The following DNAH9 variants were observed in gnomAD, a reference collection of about 807,000 sequenced individuals.
DNAH9 encodes dynein axonemal heavy chain 9, also known as DNAH9 variant protein.
Under a neutral mutation model 471.6 loss-of-function variants are expected in DNAH9, and 345 were observed. The ratio of observed to expected loss-of-function variants is 0.73; its 90% CI spans 0.67 to 0.80. DNAH9 has a LOEUF of 0.80. DNAH9 is among the 30% of genes least tolerant of loss of function. The pLI is 0.00. For synonymous variants in DNAH9, 2,093 were observed against 2,123.6 expected (o/e 0.99, Z 0.40); for missense variants, 5,407 against 5,609.2 (o/e 0.96, Z 1.15).
At chr17:11,935,852 TTGGA>T (rs1974694763) in intron 65 of DNAH9, among the ~76,000 whole-genome samples, 1 of 151,962 alleles carries the variant, frequency 6.6e-6, no homozygotes, top group South Asian at 2.1e-4. Flanking sequence ...TCCAGAAAAA[TTGGA>T]CCTATAAGAG....
At chr17:11,698,532 T>A (rs2074534428) in intron 22 of DNAH9, among the ~76,000 whole-genome samples, 1 of 151,740 alleles carries the variant, frequency 6.6e-6, no homozygotes, top group Admixed American at 6.6e-5. Context: ...TCTTGGTATT[T>A]GTACCCAAAT....
intron 14 of DNAH9, among the ~76,000 whole-genome samples, chr17:11,664,193 ACTTTGTT>A (rs140135589): frequency 0.011 from 1,630 of 152,090 alleles, 32 homozygotes; most frequent in African/African-American, 0.037. Context: ...TGAAGCCCAA[ACTTTGTT>A]ACCATGGTGA....
At position 11,963,037 on chromosome 17, in the gene DNAH9, C is replaced by T. The variant is rs74253530; in HGVS notation, c.13233+781C>T. Among the ~76,000 whole-genome samples, 1,014 of 152,104 alleles carry T rather than the reference C, an allele frequency of 6.7e-3. 8 individuals carry two copies. Among genetic ancestry groups the T allele is most frequent in the East Asian group, 0.043 (220 of 5,170 alleles). On this transcript the variant is annotated intron_variant, in intron 68 of 68. Coordinates refer to ENST00000262442, the MANE Select transcript of DNAH9 (RefSeq NM_001372.4). ...CAAAAATTCATGTCTAGGCATAACC[C>T]CAGAATGATTATTTAGAAATAAGGT... is the stretch of plus-strand genomic sequence containing the variant.
At chr17:11,867,566 G>A (rs11656481) in intron 50 of DNAH9, among the ~76,000 whole-genome samples, 2 of 151,896 alleles carry the variant, frequency 1.3e-5, no homozygotes, top group African/African-American at 4.8e-5. Flanking sequence ...TTTTAACTTT[G>A]TTGTTGCAGT....
At chr17:11,942,896 CTTTTTT>C (rs71142257) in intron 67 of DNAH9, among the ~76,000 whole-genome samples, 1 of 127,914 alleles carries the variant, frequency 7.8e-6, no homozygotes, top group Admixed American at 8.3e-5. Context: ...CTTGTTTTTT[CTTTTTT>C]TTTTTTTTTT....
Position 11,905,739 on chromosome 17 carries a change from G to C in DNAH9, c.11679G>C (p.Ser3893=). The C allele has an allele frequency of 6.2e-7, 1 of 1,614,096 alleles. No individual in the cohort carries two copies. Among genetic ancestry groups the C allele is most frequent in the Non-Finnish European group, 8.5e-7 (1 of 1,180,006 alleles). The stretch of plus-strand genomic sequence containing the variant: ...ATTTTGCAACCTCATTTGAAGAATC[G>C]GGACCAGCCACTCCTATGTTTTTCA... ...ALDFATSFEE[S]GPATPMFFIL... is the part of the protein sequence containing the mutation. Residue 3893 remains serine (S), a synonymous_variant, in exon 61 of 69, where the codon TCG becomes TCC. Coordinates refer to ENST00000262442, the MANE Select transcript of DNAH9 (RefSeq NM_001372.4).
chr17:11,822,305 C>A, intron 46 of DNAH9, 133 bp from the exon 47 acceptor site: 1 of 1,171,812 alleles, frequency 8.5e-7, no homozygotes, highest in Non-Finnish European at 1.2e-6. Context: ...GGCTGGCTAG[C>A]ATTTACAGAT....
At chr17:11,876,514 G>C (rs981162301) in intron 53 of DNAH9, among the ~76,000 whole-genome samples, 11 of 152,164 alleles carry the variant, frequency 7.2e-5, no homozygotes, top group Non-Finnish European at 1.3e-4. Context: ...CAACATGGAT[G>C]AATCTTTAAA....
chr17:11,869,005 C>T lies in DNAH9; in HGVS notation c.9934-129C>T, dbSNP rs144699161. On this transcript the variant is annotated intron_variant, in intron 50 of 68. Coordinates refer to ENST00000262442, the MANE Select transcript of DNAH9 (RefSeq NM_001372.4). ...CATTTCGTTCTCTGCCCTGCTTTCC[C>T]TGGTCCCATAGGAATGCCCCCGCAG... is the stretch of plus-strand genomic sequence containing the variant. 1,498 of 1,118,516 alleles carry T rather than the reference C, an allele frequency of 1.3e-3. 1 individual carries two copies. Among genetic ancestry groups the T allele is most frequent in the Middle Eastern group, 1.8e-3 (8 of 4,562 alleles). 69.3% of individuals were successfully genotyped at this position (1,118,516 alleles called of 1,614,324 possible).
chr17:11,665,181 C>A (rs2073846363), intron 15 of DNAH9, among the ~76,000 whole-genome samples: 1 of 152,106 alleles, frequency 6.6e-6, no homozygotes, highest in Non-Finnish European at 1.5e-5. Context: ...GATAATAAAC[C>A]AGGCTGTAAG....
Position 11,797,629 on chromosome 17 carries a change from C to T in DNAH9, c.8256C>T (p.Ser2752=), listed in dbSNP as rs1790913926. ...AAGACCCTGTGGAGCAGACCCAAAG[C>T]CCGAACCTGTATTGTCACTTTGCAA... ...DIEDPVEQTQ[S]PNLYCHFANG... Residue 2752 remains serine (S), a synonymous_variant, in exon 43 of 69, where the codon AGC becomes AGT. Transcript: ENST00000262442. The T allele has an allele frequency of 6.2e-7, 1 of 1,613,790 alleles. No individual in the cohort carries two copies. The highest frequency in any genetic ancestry group is 1.7e-5 in the Admixed American group (1 of 59,990).
chr17:11,726,605 TG>T (rs2075157014), intron 27 of DNAH9, among the ~76,000 whole-genome samples: 1 of 152,214 alleles, frequency 6.6e-6, no homozygotes, highest in African/African-American at 2.4e-5. Context: ...ATGACATTTG[TG>T]GTCTATATTA....
chr17:11,692,371 G>C (rs747129310), intron 20 of DNAH9, among the ~76,000 whole-genome samples: 2 of 152,124 alleles, frequency 1.3e-5, no homozygotes, highest in Non-Finnish European at 2.9e-5. Flanking sequence ...ACCTCACCAG[G>C]TGCCATGTAT....
At chr17:11,749,189 A>G (rs1967046368) in intron 32 of DNAH9, among the ~76,000 whole-genome samples, 1 of 147,168 alleles carries the variant, frequency 6.8e-6, no homozygotes, top group African/African-American at 2.5e-5. Context: ...GGTTCACGCC[A>G]TTCTTCTGCC....
chr17:11,904,066 T>C (rs180832773), intron 60 of DNAH9, among the ~76,000 whole-genome samples: 41 of 152,326 alleles, frequency 2.7e-4, no homozygotes, highest in African/African-American at 8.9e-4. Flanking sequence ...TGTTCCCATT[T>C]GTGTGTCCTA....
At chr17:11,778,329 CAAAAAAAAAAAAAAAAAAAAA>C (rs57983162) in intron 38 of DNAH9, among the ~76,000 whole-genome samples, 2 of 48,638 alleles carry the variant, frequency 4.1e-5, no homozygotes, top group Non-Finnish European at 9.2e-5. Context: ...GACTCCATCT[CAAAAAAAAAAAAAAAAAAAAA>C]AAAAAAAAAA....
At chr17:11,889,638 A>G (rs1972989201) in intron 57 of DNAH9, among the ~76,000 whole-genome samples, 2 of 152,360 alleles carry the variant, frequency 1.3e-5, no homozygotes, top group East Asian at 1.9e-4. Flanking sequence ...AGGCATTGGC[A>G]GGACATAGTC....
At chr17:11,799,240 T>C (rs758660996) in intron 43 of DNAH9, among the ~76,000 whole-genome samples, 1 of 152,188 alleles carries the variant, frequency 6.6e-6, no homozygotes, top group Non-Finnish European at 1.5e-5. Context: ...CTCCCACTTA[T>C]CTGCTCTGGT....
chr17:11,692,469 A>G (rs1021952448), intron 20 of DNAH9, among the ~76,000 whole-genome samples: 6 of 152,164 alleles, frequency 3.9e-5, no homozygotes, highest in African/African-American at 1.4e-4. Flanking sequence ...TTGACAACGG[A>G]TTACTTTTGA....
Sources: gnomAD v4.1 joint callset for allele counts (sites outside exome capture counted in the v4.1 genomes callset) on GRCh38, gnomAD v4.1.1 for gene constraint, MANE v1.5 for transcripts, NCBI Gene and HGNC (gene_info 2026-07-23, HGNC 2026-07-21) for gene names.